Variants in FRY observed in about 807,000 individuals in gnomAD.
FRY encodes the protein FRY microtubule binding protein.
FRY carries 128 observed loss-of-function variants against 348.4 expected under a neutral mutation model. The ratio of observed to expected loss-of-function variants is 0.37; its 90% CI spans 0.32 to 0.43. The LOEUF (loss-of-function observed/expected upper bound fraction) is 0.43. Ranked by LOEUF, FRY falls within the 20% of genes least tolerant of loss-of-function variation. The probability of loss-of-function intolerance (pLI) is 1.00; values close to 1 mark genes in which losing one functional copy is unlikely to be tolerated. For synonymous variants in FRY, 1,370 were observed against 1,374.7 expected (o/e 1.00, Z 0.08); for missense variants, 2,736 against 3,695.2 (o/e 0.74, Z 6.73).
intron 4 of FRY, among the ~76,000 whole-genome samples, chr13:32,120,843 G>A (rs1033865860): frequency 1.3e-5 from 2 of 152,148 alleles, no homozygotes; most frequent in Admixed American, 6.5e-5. Flanking sequence ...TGTATTTTTA[G>A]TAGAGACGGG....
Position 32,208,763 on chromosome 13 carries a change from A to G in FRY, c.4019-90A>G. 6 of 1,454,434 alleles carry G rather than the reference A, an allele frequency of 4.1e-6. No individual in the cohort carries two copies. In the South Asian group the frequency reaches 4.6e-5, roughly 11 times the overall value. The allele number at this position is 1,454,434 out of a possible 1,614,324, so 90.1% of individuals were successfully genotyped here. ...TGAAAATGTTTTGTAAACGTAGGAC[A>G]CTGTTCAGTCTGCAAGTTGGCATTT... On this transcript the variant is annotated intron_variant, in intron 31 of 60. Transcript: ENST00000542859.
intron 46 of FRY, 127 bp downstream of exon 46, chr13:32,240,008 A>G: frequency 1.4e-6 from 1 of 722,174 alleles, no homozygotes; most frequent in Non-Finnish European, 2.3e-6. Context: ...GGCGTGGGCC[A>G]CCATTCCCTG....
chr13:32,256,347 G>A (rs1044278458), intron 51 of FRY, among the ~76,000 whole-genome samples: 2 of 152,058 alleles, frequency 1.3e-5, no homozygotes, highest in East Asian at 1.9e-4. Flanking sequence ...AGACCAGCCT[G>A]GGCAACAGAG....
chr13:32,298,064 C>T lies in FRY; in HGVS notation c.*2604C>T, dbSNP rs2072092371. The T allele has an allele frequency of 6.6e-6, 1 of 152,218 alleles. No homozygotes were observed. The highest frequency in any genetic ancestry group is 6.5e-5 in the Admixed American group (1 of 15,284). The allele number at this position is 152,218 out of a possible 1,614,324, so 9.4% of individuals were successfully genotyped here. On this transcript the variant is annotated 3_prime_UTR_variant, in exon 61 of 61. Coordinates refer to ENST00000542859, the MANE Select transcript of FRY (RefSeq NM_023037.3). Reference sequence around the variant, plus strand: ...ACGTGAATGTCATTCCCACCTCTAACCCATCTAACATCGGTGAGATGTTAA... The same window carrying T: ...ACGTGAATGTCATTCCCACCTCTAATCCATCTAACATCGGTGAGATGTTAA...
chr13:32,227,903 C>G (rs964447865), intron 39 of FRY, among the ~76,000 whole-genome samples: 1 of 152,130 alleles, frequency 6.6e-6, no homozygotes, highest in African/African-American at 2.4e-5. Context: ...AGGTGCCGAC[C>G]ACCACGCTCG....
chr13:32,107,614 G>A (rs961792359), intron 3 of FRY, among the ~76,000 whole-genome samples: 1 of 152,196 alleles, frequency 6.6e-6, no homozygotes, highest in African/African-American at 2.4e-5. Flanking sequence ...AAACAAACAG[G>A]AAGGAAGCAT....
At chr13:32,043,239 A>C (rs983522028) in intron 1 of FRY, among the ~76,000 whole-genome samples, 1 of 152,200 alleles carries the variant, frequency 6.6e-6, no homozygotes, top group Non-Finnish European at 1.5e-5. Context: ...TGATTCACTT[A>C]TCTCCCACCA....
intron 17 of FRY, among the ~76,000 whole-genome samples, chr13:32,166,038 C>G (rs1484458127): frequency 6.6e-6 from 1 of 152,210 alleles, no homozygotes; most frequent in Non-Finnish European, 1.5e-5. Context: ...TATGCATTCG[C>G]TTTCTGACGT....
At position 32,211,022 on chromosome 13, in the gene FRY, G is replaced by C; in HGVS notation, c.4579G>C (p.Ala1527Pro). ...CTTCACGGCCAGTAGCAAGGCTTCC[G>C]CAGCAGCCTCAGGTAAGAAGAGCAA... ...YRFTASSKAS[A>P]AASGTTSSSN... Residue 1527 changes from alanine (A) to proline (P), a missense_variant, in exon 34 of 61, where the codon GCA becomes CCA. This residue lies in a region of FRY where 794 missense variants were observed against 977.0 expected (regional missense o/e 0.81). Coordinates refer to ENST00000542859, the MANE Select transcript of FRY (RefSeq NM_023037.3). 6.2e-7 allele frequency: 1 copy of C among 1,613,976 alleles called. No individual in the cohort carries two copies. Among genetic ancestry groups the C allele is most frequent in the Non-Finnish European group, 8.5e-7 (1 of 1,179,864 alleles).
intron 1 of FRY, among the ~76,000 whole-genome samples, chr13:32,066,330 T>G (rs1874257197): frequency 6.6e-6 from 1 of 152,232 alleles, no homozygotes; most frequent in Non-Finnish European, 1.5e-5. Flanking sequence ...TTTGAAAGCA[T>G]GATGAATGTG....
intron 35 of FRY, among the ~76,000 whole-genome samples, chr13:32,214,781 A>G (rs563973382): frequency 6.6e-6 from 1 of 152,300 alleles, no homozygotes; most frequent in East Asian, 1.9e-4. Flanking sequence ...CTACAGAGAC[A>G]GTGTTGTTCA....
chr13:32,292,226 AC>A (rs1264200475), intron 59 of FRY, among the ~76,000 whole-genome samples: 1 of 151,200 alleles, frequency 6.6e-6, no homozygotes, highest in African/African-American at 2.4e-5. Context: ...CAAGTGATCC[AC>A]CCCCGTTGGC....
chr13:32,092,531 C>A (rs1214054535), intron 2 of FRY, among the ~76,000 whole-genome samples: 1 of 152,154 alleles, frequency 6.6e-6, no homozygotes, highest in Non-Finnish European at 1.5e-5. Context: ...TGTTTAAAGT[C>A]TGTATTTTTT....
intron 17 of FRY, among the ~76,000 whole-genome samples, chr13:32,162,858 T>C (rs1881529636): frequency 6.6e-6 from 1 of 152,094 alleles, no homozygotes; most frequent in Admixed American, 6.5e-5. Flanking sequence ...GAAGAGTACA[T>C]TCCCTGGAAG....
chr13:32,203,538 C>T (rs1884170060), intron 31 of FRY, among the ~76,000 whole-genome samples: 1 of 152,150 alleles, frequency 6.6e-6, no homozygotes, highest in Non-Finnish European at 1.5e-5. Context: ...GCCTGGCTAA[C>T]ATGGTGAAAC....
chr13:32,223,247 C>T (rs7321831), intron 36 of FRY, among the ~76,000 whole-genome samples: 32,920 of 151,972 alleles, frequency 0.22, 3,718 homozygotes, highest in South Asian at 0.35. Flanking sequence ...GGTGAGCTAC[C>T]GCGACCAGGC....
Position 32,295,501 on chromosome 13 carries a change from C to T in FRY, c.*41C>T. The T allele has an allele frequency of 6.3e-7, 1 of 1,595,344 alleles. No homozygotes were observed. Among genetic ancestry groups the T allele is most frequent in the Non-Finnish European group, 8.5e-7 (1 of 1,170,362 alleles). ...CCCACTGGGTTCCAAACTGGCAGTG[C>T]TGCCATGCTGGGGCAACGTCATTCA... On this transcript the variant is annotated 3_prime_UTR_variant, in exon 61 of 61. Transcript: ENST00000542859.
intron 2 of FRY, among the ~76,000 whole-genome samples, chr13:32,082,220 T>TAAA (rs1471505338): frequency 7.0e-5 from 5 of 71,018 alleles, no homozygotes; most frequent in Non-Finnish European, 9.7e-5. Context: ...ATAGCCAACT[T>TAAA]TAAAAAAAAA....
chr13:32,264,469 C>T (rs1887820927), intron 53 of FRY, among the ~76,000 whole-genome samples: 1 of 152,042 alleles, frequency 6.6e-6, no homozygotes, highest in African/African-American at 2.4e-5. Context: ...TTCATATACA[C>T]TTCTATTTTG....
Sources: allele counts gnomAD v4.1 joint callset (sites outside exome capture counted in the v4.1 genomes callset), GRCh38; gene constraint gnomAD v4.1.1; regional missense constraint gnomAD v4.1.1; transcripts MANE v1.5; gene names NCBI Gene and HGNC (gene_info 2026-07-23, HGNC 2026-07-21).